AFG2B: variants seen among roughly 807,000 people sequenced by gnomAD.
The protein encoded by AFG2B is AAA ATPase AFG2B.
At chr15:45,407,861 AT>A in the AFG2B span, among the ~76,000 whole-genome samples, 23 of 152,250 alleles carry the variant, frequency 1.5e-4, no homozygotes, top group African/African-American at 5.5e-4. Flanking sequence ...ACAAAAAAAA[AT>A]GTGTTTCACT....
At chr15:45,417,552 G>A in the AFG2B span, 2 of 665,634 alleles carry the variant, frequency 3.0e-6, no homozygotes, top group African/African-American at 3.6e-5. Context: ...TCCTTTGTTG[G>A]ATACTCTGAT....
At chr15:45,417,394 C>G in the AFG2B span, 1 of 1,613,788 alleles carries the variant, frequency 6.2e-7, no homozygotes, top group Non-Finnish European at 8.5e-7. Context: ...ACCTCCAGAT[C>G]ACAAGGTAGT....
the AFG2B span, chr15:45,405,362 C>T: frequency 6.2e-7 from 1 of 1,614,168 alleles, no homozygotes; most frequent in Non-Finnish European, 8.5e-7. Flanking sequence ...AAAGGAAATT[C>T]TGCAAGTGAT....
At chr15:45,414,334 G>A in the AFG2B span, among the ~76,000 whole-genome samples, 1 of 152,146 alleles carries the variant, frequency 6.6e-6, no homozygotes, top group African/African-American at 2.4e-5. Flanking sequence ...CAGCTGTGGC[G>A]AGTAAGGAGT....
the AFG2B span, among the ~76,000 whole-genome samples, chr15:45,419,986 T>TTCC: frequency 1.4e-4 from 7 of 49,252 alleles, no homozygotes; most frequent in Admixed American, 6.9e-4. Flanking sequence ...CAAGACTCTG[T>TTCC]CCCCCCCCCC....
the AFG2B span, chr15:45,416,987 G>A: frequency 0.1 from 25,470 of 245,542 alleles, 6,215 homozygotes; most frequent in African/African-American, 0.52. Flanking sequence ...GTCACCAGAT[G>A]AGTGTTCTCC....
At chr15:45,403,305 G>C in the AFG2B span, 1 of 1,592,590 alleles carries the variant, frequency 6.3e-7, no homozygotes, top group Admixed American at 1.7e-5. Context: ...CCCGGGAACT[G>C]GCCAGCCGCG....
chr15:45,414,874 T>G, the AFG2B span: 1 of 1,106,036 alleles, frequency 9.0e-7, no homozygotes, highest in Non-Finnish European at 1.3e-6. Context: ...TAGTGTTTTT[T>G]CCAGTTAAAA....
At chr15:45,415,791 G>A in the AFG2B span, 1 of 1,609,906 alleles carries the variant, frequency 6.2e-7, no homozygotes, top group Non-Finnish European at 8.5e-7. Flanking sequence ...TAAATACAAG[G>A]AGCTGAAAAA....
chr15:45,403,410 G>A, the AFG2B span: 7 of 1,609,880 alleles, frequency 4.3e-6, no homozygotes, highest in African/African-American at 1.3e-5. Flanking sequence ...AGGTGTTGAC[G>A]CTGCTGGACG....
At chr15:45,403,250 G>A in the AFG2B span, 3 of 1,579,644 alleles carry the variant, frequency 1.9e-6, no homozygotes, top group Admixed American at 1.8e-5. Context: ...CAGGGTTCCC[G>A]GCCTGGGGAG....
the AFG2B span, among the ~76,000 whole-genome samples, chr15:45,419,467 A>G: frequency 1.4e-5 from 2 of 143,758 alleles, no homozygotes; most frequent in African/African-American, 5.3e-5. Flanking sequence ...GTCTCTTAGG[A>G]AAAAAAAAAA....
At chr15:45,404,545 G>A in the AFG2B span, among the ~76,000 whole-genome samples, 1 of 152,162 alleles carries the variant, frequency 6.6e-6, no homozygotes, top group South Asian at 2.1e-4. Context: ...GGTGGCTCAC[G>A]CCTGCAATCT....
the AFG2B span, chr15:45,418,681 A>T: frequency 6.3e-7 from 1 of 1,597,562 alleles, no homozygotes; most frequent in East Asian, 2.2e-5. Context: ...CTCTGCACAG[A>T]AGTAAGTTAA....
chr15:45,417,575 G>A, the AFG2B span: 2 of 564,808 alleles, frequency 3.5e-6, no homozygotes, highest in Non-Finnish European at 6.0e-6. Context: ...TGTTCACAGA[G>A]AAACATAAGC....
the AFG2B span, chr15:45,402,623 G>A: frequency 1.7e-3 from 2,692 of 1,577,208 alleles, 44 homozygotes; most frequent in African/African-American, 0.031. Flanking sequence ...TGGCCTCGGC[G>A]GGACGGAGCG....
the AFG2B span, chr15:45,417,618 G>T: frequency 2.2e-6 from 1 of 461,852 alleles, no homozygotes; most frequent in South Asian, 3.0e-5. Context: ...TTGTGTTGTG[G>T]CAGACTCTAA....
the AFG2B span, chr15:45,403,236 G>C: frequency 6.5e-7 from 1 of 1,543,576 alleles, no homozygotes; most frequent in Admixed American, 2.1e-5. Context: ...GCGCCCCGGC[G>C]CTGCAGGGTT....
chr15:45,415,564 T>A, the AFG2B span: 1 of 1,602,594 alleles, frequency 6.2e-7, no homozygotes, highest in Non-Finnish European at 8.5e-7. Flanking sequence ...TATAGCTTTT[T>A]AATATTTTTT....
Sources: gnomAD v4.1 joint callset for allele counts (sites outside exome capture counted in the v4.1 genomes callset) on GRCh38, gnomAD v4.1.1 for gene constraint, MANE v1.5 for transcripts, NCBI Gene and HGNC (gene_info 2026-07-23, HGNC 2026-07-21) for gene names.